MGRN1: variants seen among roughly 807,000 people sequenced by gnomAD.
The protein encoded by MGRN1 is E3 ubiquitin-protein ligase MGRN1.
A neutral mutation model predicts 69.2 loss-of-function variants in MGRN1; 29 were observed. That is an observed-to-expected ratio of 0.42 (90% CI 0.31 to 0.57). MGRN1 has a LOEUF of 0.57. MGRN1 is among the 20% of genes least tolerant of loss of function. The probability of loss-of-function intolerance (pLI) is 0.15; values close to 1 mark genes in which losing one functional copy is unlikely to be tolerated. For missense variants in MGRN1, 998 were observed against 796.2 expected (o/e 1.25, Z -3.05); for synonymous variants, 470 against 344.2 (o/e 1.37, Z -4.04).
intron 16 of MGRN1, chr16:4,688,341 G>C (rs946650894): frequency 6.1e-6 from 6 of 989,924 alleles, no homozygotes; most frequent in Admixed American, 6.1e-5. Context: ...GTAGCCATCC[G>C]GGGGCTACTC....
chr16:4,633,684 T>A (rs1898125387), intron 1 of MGRN1: 5 of 151,766 alleles, frequency 3.3e-5, no homozygotes, highest in African/African-American at 1.2e-4. Context: ...AGAGCAAAAC[T>A]CTGTCTCAAA....
At chr16:4,642,180 G>T (rs976474155) in intron 1 of MGRN1, among the ~76,000 whole-genome samples, 3 of 151,084 alleles carry the variant, frequency 2.0e-5, no homozygotes, top group African/African-American at 7.3e-5. Context: ...GCCCAGGCTG[G>T]AGTGCAGTGG....
At chr16:4,650,531 C>A in intron 2 of MGRN1, 48 bp downstream of exon 2, 2 of 1,460,074 alleles carry the variant, frequency 1.4e-6, no homozygotes, top group South Asian at 1.2e-5. Flanking sequence ...GTGGGAGGCC[C>A]CTGTCCCCAG....
At chr16:4,655,545 C>T (rs1183093615) in intron 4 of MGRN1, among the ~76,000 whole-genome samples, 1 of 152,006 alleles carries the variant, frequency 6.6e-6, no homozygotes, top group Non-Finnish European at 1.5e-5. Flanking sequence ...GCGGGGATCA[C>T]AGAGCAGGAA....
In MGRN1 at chr16:4,683,278, C is replaced by CTCCT; in HGVS notation, c.1528+13_1528+16dup. The stretch of plus-strand genomic sequence containing the variant: ...GTCGTCACCACAGCAAGGTGAGCGC[C>CTCCT]TCCTTCCATGGGCACAAACCGCATG... On this transcript the variant is annotated intron_variant, in intron 15 of 16. Transcript: ENST00000262370. The CTCCT allele has an allele frequency of 6.2e-7, 1 of 1,613,696 alleles. No homozygotes were observed. Among genetic ancestry groups the CTCCT allele is most frequent in the Non-Finnish European group, 8.5e-7 (1 of 1,179,948 alleles).
At chr16:4,648,804 C>T (rs1345388713) in intron 1 of MGRN1, among the ~76,000 whole-genome samples, 2 of 116,164 alleles carry the variant, frequency 1.7e-5, no homozygotes, top group Admixed American at 8.2e-5. Flanking sequence ...GTCCTCCTCC[C>T]GGGGCTCTTC....
chr16:4,655,418 C>G (rs1165020706), intron 4 of MGRN1, among the ~76,000 whole-genome samples: 1 of 152,172 alleles, frequency 6.6e-6, no homozygotes, highest in East Asian at 1.9e-4. Context: ...GTCCCCCCCT[C>G]TCAGGACCTG....
chr16:4,678,695 A>C (rs1480464239), intron 11 of MGRN1, among the ~76,000 whole-genome samples: 3 of 152,198 alleles, frequency 2.0e-5, no homozygotes, highest in Non-Finnish European at 2.9e-5. Context: ...CCTGCTCCCC[A>C]CTGGCCACGC....
At chr16:4,634,605 G>A (rs989263732) in intron 1 of MGRN1, 1 of 152,722 alleles carries the variant, frequency 6.5e-6, no homozygotes, top group Non-Finnish European at 1.5e-5. Flanking sequence ...CGCCCTAGGA[G>A]GGGCTGGAAG....
At chr16:4,631,753 A>C (rs1411053620) in intron 1 of MGRN1, among the ~76,000 whole-genome samples, 1 of 152,186 alleles carries the variant, frequency 6.6e-6, no homozygotes, top group Non-Finnish European at 1.5e-5. Flanking sequence ...TAGCCTGTCA[A>C]TTATTTCTAC....
chr16:4,657,222 C>G (rs770645519), intron 4 of MGRN1, 24 bp from the exon 5 acceptor site: 1 of 1,606,874 alleles, frequency 6.2e-7, no homozygotes, highest in Admixed American at 1.7e-5. Flanking sequence ...CGCAGCCTCA[C>G]TGCTTGCTCC....
Position 4,674,596 on chromosome 16 carries a change from CTTTTCTTTTT to C in MGRN1, c.955+949_955+958del, listed in dbSNP as rs1567225749. On this transcript the variant is annotated intron_variant, in intron 10 of 16. Coordinates refer to ENST00000262370, the MANE Select transcript of MGRN1 (RefSeq NM_015246.4). The stretch of plus-strand genomic sequence containing the variant: ...GCCACCGCTTTTTTTTTTTTCTTTT[CTTTTCTTTTT>C]TTTTCTTTTCTTTTCTTTTCTTTTT... Among the ~76,000 whole-genome samples the C allele has an allele frequency of 5.3e-4, 44 of 82,810 alleles. No individual in the cohort carries two copies. In the South Asian group the frequency reaches 6.2e-3, roughly 12 times the overall value. The allele number at this position is 82,810 out of a possible 152,430, so 54.3% of individuals were successfully genotyped here.
At position 4,689,182 on chromosome 16, in the gene MGRN1, C is replaced by A; in HGVS notation, c.*274C>A. The stretch of plus-strand genomic sequence containing the variant: ...CCCCCGTTCCCCAGGGTCCTGTGGG[C>A]TGAGCGGCTGGGGCTGGGGCTGCCC... On this transcript the variant is annotated 3_prime_UTR_variant, in exon 17 of 17. Coordinates refer to ENST00000262370, the MANE Select transcript of MGRN1 (RefSeq NM_015246.4). 2 of 419,110 alleles carry A rather than the reference C, an allele frequency of 4.8e-6. No homozygotes were observed. The highest frequency in any genetic ancestry group is 8.2e-6 in the Non-Finnish European group (2 of 242,606). 26.0% of individuals were successfully genotyped at this position (419,110 alleles called of 1,614,324 possible).
rs138789113 is a variant in MGRN1, at chr16:4,640,787, T to C, written c.89-9578T>C. On this transcript the variant is annotated intron_variant, in intron 1 of 16. Coordinates refer to ENST00000262370, the MANE Select transcript of MGRN1 (RefSeq NM_015246.4). ...CACTGGCGATGACACCACTGACTCC[T>C]GTCCCCGTGGTCCCCCGGCTGCAGG... Among the ~76,000 whole-genome samples, 108 of 152,332 alleles carry C rather than the reference T, an allele frequency of 7.1e-4. 1 individual carries two copies. The highest frequency in any genetic ancestry group is 2.3e-3 in the African/African-American group (95 of 41,586).
chr16:4,657,709 C>G (rs1466365848), intron 5 of MGRN1, among the ~76,000 whole-genome samples: 2 of 122,802 alleles, frequency 1.6e-5, no homozygotes, highest in African/African-American at 6.0e-5. Flanking sequence ...TTTAACCTTA[C>G]TTTTGTTTAA....
chr16:4,674,255 G>A (rs2079004737), intron 10 of MGRN1, among the ~76,000 whole-genome samples: 1 of 151,968 alleles, frequency 6.6e-6, no homozygotes, highest in South Asian at 2.1e-4. Flanking sequence ...AAGTGCTGGT[G>A]TTACAGGCAT....
chr16:4,646,078 G>T (rs2078267988), intron 1 of MGRN1, among the ~76,000 whole-genome samples: 1 of 151,976 alleles, frequency 6.6e-6, no homozygotes, highest in Non-Finnish European at 1.5e-5. Context: ...CTACCTTACG[G>T]TGAGGGTCGG....
chr16:4,682,793 A>C (rs1596317894), intron 13 of MGRN1, 30 bp from the exon 14 acceptor site: 2 of 1,498,556 alleles, frequency 1.3e-6, no homozygotes, highest in African/African-American at 1.4e-5. Context: ...TTATCCTCTC[A>C]CCCCTGCCCA....
intron 1 of MGRN1, among the ~76,000 whole-genome samples, chr16:4,647,264 G>T (rs915256457): frequency 2.0e-5 from 3 of 152,242 alleles, no homozygotes; most frequent in Admixed American, 6.5e-5. Flanking sequence ...CATGACTGGG[G>T]CTTGAGGTTG....
Sources: allele counts gnomAD v4.1 joint callset (sites outside exome capture counted in the v4.1 genomes callset), GRCh38; gene constraint gnomAD v4.1.1; transcripts MANE v1.5; gene names NCBI Gene and HGNC (gene_info 2026-07-23, HGNC 2026-07-21).